Variants in CPNE6 observed in about 807,000 individuals in gnomAD.
CPNE6 encodes copine-6.
CPNE6 carries 33 observed loss-of-function variants against 71.5 expected under a neutral mutation model. That is an observed-to-expected ratio of 0.46 (90% confidence interval 0.35 to 0.62). CPNE6 has a LOEUF of 0.62. CPNE6 is among the 20% of genes least tolerant of loss of function. The pLI is 0.00. For missense variants in CPNE6, 576 were observed against 747.3 expected, an observed-to-expected ratio of 0.77 and a Z score of 2.67; for synonymous variants, 296 against 293.0, an observed-to-expected ratio of 1.01 and a Z score of -0.10.
Position 24,075,760 on chromosome 14 carries a change from C to A in CPNE6, c.865-67C>A, listed in dbSNP as rs1001345682. 254 of 1,506,876 alleles carry A rather than the reference C, an allele frequency of 1.7e-4. 1 individual carries two copies. Among genetic ancestry groups the A allele is most frequent in the Non-Finnish European group, 1.1e-5 (12 of 1,085,102 alleles). The allele number at this position is 1,506,876 out of a possible 1,614,324, so 93.3% of individuals were successfully genotyped here. ...GGCTCCCCCATGTTCCCCACAGAAG[C>A]CCTACCCAAGCTCCCTCCTCAAAGG... is the stretch of plus-strand genomic sequence containing the variant. On this transcript the variant is annotated intron_variant, in intron 10 of 17. Coordinates refer to ENST00000397016, the Ensembl canonical transcript of CPNE6. This position sits in a 1 kb window ranked among gnomAD's most constrained non-coding sequence, Gnocchi z 4.3.
At chr14:24,076,612 G>A (rs778314626) in intron 14 of CPNE6, 55 bp downstream of exon 13, 92 of 1,605,906 alleles carry the variant, frequency 5.7e-5, no homozygotes, top group Non-Finnish European at 7.7e-5. Flanking sequence ...CTCCACACAG[G>A]AGCACAGACT....
Position 24,073,777 on chromosome 14 carries a change from A to T in CPNE6, c.348+99A>T. The T allele has an allele frequency of 7.5e-7, 1 of 1,331,822 alleles. No homozygotes were observed. Among genetic ancestry groups the T allele is most frequent in the South Asian group, 1.4e-5 (1 of 70,226 alleles). 82.5% of individuals were successfully genotyped at this position (1,331,822 alleles called of 1,614,324 possible). On this transcript the variant is annotated intron_variant, in intron 4 of 17. Coordinates refer to ENST00000397016, the Ensembl canonical transcript of CPNE6. This position sits in a 1 kb window ranked among gnomAD's most constrained non-coding sequence, Gnocchi z 5.5. ...AAAACATGAGCTCTAGAGCTAGTTC[A>T]ACCCAGCCTTGGCTCCCATCTCTGC...
At chr14:24,072,687 C>T in intron 2 of CPNE6, 8 of 381,466 alleles carry the variant, frequency 2.1e-5, no homozygotes, top group South Asian at 1.1e-4. Context: ...TCCTTCAGCC[C>T]TCTCCAGCCC....
intron 1 of CPNE6, chr14:24,071,101 G>C: frequency 7.0e-7 from 1 of 1,419,950 alleles, no homozygotes. Context: ...GATATCCTTA[G>C]CTAGTGTAAC....
chr14:24,075,204 G>A lies in CPNE6; in HGVS notation c.705G>A (p.Lys235=). Residue 235 remains lysine (K), a synonymous_variant, in exon 9 of 18, where the codon AAG becomes AAA. Coordinates refer to ENST00000397016, the Ensembl canonical transcript of CPNE6. The surrounding 1 kb of genome is among the most constrained non-coding windows in gnomAD (Gnocchi z 4.3). Reference sequence around the variant, plus strand: ...TGTATGACTATGACTCCAGTGGGAAGCATGACTTCATCGGCGAGTTCACCA... The same window carrying A: ...TGTATGACTATGACTCCAGTGGGAAACATGACTTCATCGGCGAGTTCACCA... 1.2e-6 allele frequency: 2 copies of A among 1,614,114 alleles called. No homozygotes were observed. The highest frequency in any genetic ancestry group is 1.7e-5 in the Admixed American group (1 of 60,010).
Position 24,073,799 on chromosome 14 carries a change from C to T in CPNE6, c.348+121C>T, listed in dbSNP as rs545391301. ...TTCAACCCAGCCTTGGCTCCCATCT[C>T]TGCCATTCACTAGCTGTGCAGCCTC... On this transcript the variant is annotated intron_variant, in intron 4 of 17. Coordinates refer to ENST00000397016, the Ensembl canonical transcript of CPNE6. The surrounding 1 kb of genome is among the most constrained non-coding windows in gnomAD (Gnocchi z 5.5). 20 of 1,044,704 alleles carry T rather than the reference C, an allele frequency of 1.9e-5. No homozygotes were observed. Among genetic ancestry groups the T allele is most frequent in the Non-Finnish European group, 2.8e-5 (20 of 719,654 alleles). 64.7% of individuals were successfully genotyped at this position (1,044,704 alleles called of 1,614,324 possible). A position where few individuals can be genotyped will look rare whatever the true frequency, so the allele number is the denominator to read the frequency against.
chr14:24,075,998 C>A lies in CPNE6; in HGVS notation c.924+112C>A. 1.3e-6 allele frequency: 2 copies of A among 1,508,450 alleles called. No individual in the cohort carries two copies. Among genetic ancestry groups the A allele is most frequent in the Non-Finnish European group, 1.8e-6 (2 of 1,091,760 alleles). The allele number at this position is 1,508,450 out of a possible 1,614,324, so 93.4% of individuals were successfully genotyped here. ...AACTTGGGCTGCTCATGAGCCTTCG[C>A]ATTGTCAGCTTATGCACCCCCACAT... On this transcript the variant is annotated intron_variant, in intron 11 of 17. Transcript: ENST00000397016. The surrounding 1 kb of genome is among the most constrained non-coding windows in gnomAD (Gnocchi z 4.3).
intron 1 of CPNE6, 133 bp from the exon 1 acceptor site, chr14:24,071,429 C>T: frequency 1.3e-6 from 2 of 1,482,278 alleles, no homozygotes; most frequent in Non-Finnish European, 1.8e-6. Flanking sequence ...CTGTGGCTCC[C>T]TCCCAGGCTG....
exon 2 of CPNE6, chr14:24,071,529 C>T: frequency 6.6e-7 from 1 of 1,517,582 alleles, no homozygotes; most frequent in East Asian, 2.5e-5. Context: ...CCATCCAGGC[C>T]CCATAAATAG....
chr14:24,076,859 C>G lies in CPNE6; in HGVS notation c.1166-20C>G, dbSNP rs1209568455. On this transcript the variant is annotated intron_variant, in intron 14 of 17. Coordinates refer to ENST00000397016, the Ensembl canonical transcript of CPNE6. ...GCCCTGCTCATTTCTGCCAGCTTCA[C>G]AACTTCTCTTCACTCACAGAGATCT... 6.2e-7 allele frequency: 1 copy of G among 1,611,552 alleles called. No homozygotes were observed.
rs754810296 is a variant in CPNE6 at position 24,074,293 on chromosome 14, C to A, written c.426C>A (p.Ile142=). The A allele has an allele frequency of 1.3e-6, 2 of 1,582,138 alleles. No homozygotes were observed. The highest frequency in any genetic ancestry group is 1.2e-5 in the South Asian group (1 of 86,660). ...TGCCACTTGTATCCCCCTTGCAGAT[C>A]GTGGCCGAGGAGGTATCAGGCACAA... The change falls in exon 6 of 18, where the codon ATC becomes ATA. Residue 142 remains isoleucine (I), a splice_region_variant and synonymous_variant. Coordinates refer to ENST00000397016, the Ensembl canonical transcript of CPNE6. The surrounding 1 kb of genome is among the most constrained non-coding windows in gnomAD (Gnocchi z 4.5).
Position 24,074,107 on chromosome 14 carries a change from G to A in CPNE6, c.405G>A (p.Ala135=), listed in dbSNP as rs2035985025. ...TATTGCTGAAGAATGGGAAGACTGCGGGCAAGTCCACCATCACGGTAGGCA... is the reference window on the plus strand; with the variant it reads ...TATTGCTGAAGAATGGGAAGACTGCAGGCAAGTCCACCATCACGGTAGGCA... The change falls in exon 5 of 18, where the codon GCG becomes GCA. Residue 135 remains alanine (A), a synonymous_variant. Transcript: ENST00000397016. The surrounding 1 kb of genome is among the most constrained non-coding windows in gnomAD (Gnocchi z 4.5). The A allele has an allele frequency of 7.4e-6, 12 of 1,614,064 alleles. No homozygotes were observed. Among genetic ancestry groups the A allele is most frequent in the South Asian group, 5.5e-5 (5 of 91,062 alleles).
chr14:24,071,501 G>GCCGCCCCCCCCCCC, intron 1 of CPNE6, 61 bp from the exon 1 acceptor site: 5 of 1,416,700 alleles, frequency 3.5e-6, no homozygotes, highest in Non-Finnish European at 4.7e-6. Context: ...CTGGTGCTGC[G>GCCGCCCCCCCCCCC]CCCCCCCCCA....
chr14:24,074,652 G>C lies in CPNE6; in HGVS notation c.582+38G>C, dbSNP rs1453710654. ...GGCTATGGGGATGAAGGGAGGGAGA[G>C]TAAAGTAAGAAGACACAGACAGGAG... On this transcript the variant is annotated intron_variant, in intron 7 of 17. Coordinates refer to ENST00000397016, the Ensembl canonical transcript of CPNE6. The surrounding 1 kb of genome is among the most constrained non-coding windows in gnomAD (Gnocchi z 4.5). The C allele has an allele frequency of 1.2e-5, 19 of 1,613,600 alleles. No homozygotes were observed. The highest frequency in any genetic ancestry group is 1.6e-5 in the Non-Finnish European group (19 of 1,179,618).
Position 24,071,642 on chromosome 14 carries a change from G to A in CPNE6, c.-5+1G>A. 1.0e-6 allele frequency: 1 copy of A among 965,732 alleles called. No homozygotes were observed. The highest frequency in any genetic ancestry group is 1.6e-6 in the Non-Finnish European group (1 of 627,048). 59.8% of individuals were successfully genotyped at this position (965,732 alleles called of 1,614,324 possible). A position where few individuals can be genotyped will look rare whatever the true frequency, so the allele number is the denominator to read the frequency against. The stretch of plus-strand genomic sequence containing the variant: ...GAGGAGCCCCCGACCGAGAGCCCAG[G>A]TGAGCCCACCCTTCCTCCCCAGCCC... On this transcript the variant is annotated splice_donor_variant, in intron 2 of 17. Coordinates refer to ENST00000397016, the Ensembl canonical transcript of CPNE6. LOFTEE classifies it low-confidence loss of function (5UTR_SPLICE).
chr14:24,071,504 C>CG, intron 1 of CPNE6, 58 bp from the exon 1 acceptor site: 2 of 846,756 alleles, frequency 2.4e-6, no homozygotes, highest in Non-Finnish European at 3.4e-6. Context: ...GTGCTGCGCC[C>CG]CCCCCCACCC....
In CPNE6 at chr14:24,077,832, A is replaced by G. The variant is rs1388538786; in HGVS notation, c.*38-56A>G. ...GCAAAGTGGGGCTTGGTAGAGCCCA[A>G]CTAGGCTGGGTGTAGTGTAGAAGAG... On this transcript the variant is annotated intron_variant, in intron 17 of 17. Transcript: ENST00000397016. This position sits in a 1 kb window ranked among gnomAD's most constrained non-coding sequence, Gnocchi z 6.1. The G allele has an allele frequency of 2.3e-6, 3 of 1,296,456 alleles. No homozygotes were observed. The highest frequency in any genetic ancestry group is 3.1e-6 in the Non-Finnish European group (3 of 979,780). The allele number at this position is 1,296,456 out of a possible 1,614,324, so 80.3% of individuals were successfully genotyped here.
rs746384542 is a variant in CPNE6 at position 24,076,218 on chromosome 14, C to G, written c.994C>G (p.Arg332Gly). 28 of 1,614,210 alleles carry G rather than the reference C, an allele frequency of 1.7e-5. No individual in the cohort carries two copies. The highest frequency in any genetic ancestry group is 2.4e-5 in the Non-Finnish European group (28 of 1,180,028). ...CCAGTCCCTGCACTGCCTCAGTCCC[C>G]GACAGCCCAACCACTACCTGCAGGC... Residue 332 changes from arginine to glycine, a missense_variant, in exon 12 of 18, where the codon CGA becomes GGA. Around this residue, in one of 4 missense-constraint regions of CPNE6, gnomAD observed 264 missense variants for 339.9 expected, o/e 0.78. Transcript: ENST00000397016.
Position 24,074,279 on chromosome 14 carries a change from T to A in CPNE6, c.424-12T>A. 6.3e-7 allele frequency: 1 copy of A among 1,591,572 alleles called. No homozygotes were observed. The highest frequency in any genetic ancestry group is 8.6e-7 in the Non-Finnish European group (1 of 1,165,604). ...GGTTAGGGGAGTCCTGCCACTTGTA[T>A]CCCCCTTGCAGATCGTGGCCGAGGA... On this transcript the variant is annotated splice_polypyrimidine_tract_variant and intron_variant, in intron 5 of 17. Coordinates refer to ENST00000397016, the Ensembl canonical transcript of CPNE6. The surrounding 1 kb of genome is among the most constrained non-coding windows in gnomAD (Gnocchi z 4.5).
Sources: allele counts gnomAD v4.1 joint callset, GRCh38; gene constraint gnomAD v4.1.1; regional missense constraint gnomAD v4.1.1; non-coding constraint Gnocchi (gnomAD v3.1); transcripts MANE v1.5; gene names NCBI Gene and HGNC (gene_info 2026-07-23, HGNC 2026-07-21).